Variants in TTC1 observed in about 807,000 individuals in gnomAD.
The protein encoded by TTC1 is tetratricopeptide repeat domain 1.
In TTC1, 31 loss-of-function variants were observed where a neutral mutation model predicts 37.6. The ratio of observed to expected loss-of-function variants is 0.82; its 90% CI spans 0.62 to 1.11. TTC1 has a LOEUF of 1.11. TTC1 is among the 50% of genes most tolerant of loss of function. TTC1 has a pLI of 0.00. For synonymous variants in TTC1, 127 were observed against 122.4 expected, an observed-to-expected ratio of 1.04 and a Z score of -0.25; for missense variants, 351 against 339.0, an observed-to-expected ratio of 1.04 and a Z score of -0.28.
intron 5 of TTC1, among the ~76,000 whole-genome samples, chr5:160,043,653 C>A (rs1757142323): frequency 6.6e-6 from 1 of 152,182 alleles, no homozygotes; most frequent in Admixed American, 6.5e-5. Flanking sequence ...GAATTTACCT[C>A]CTGTAGTCTC....
intron 2 of TTC1, among the ~76,000 whole-genome samples, chr5:160,018,083 T>G (rs1240036556): frequency 1.3e-5 from 2 of 152,124 alleles, no homozygotes; most frequent in African/African-American, 4.8e-5. Flanking sequence ...TAGAAGGTGA[T>G]TAGAAGAATT....
At chr5:160,036,844 C>A (rs769969784) in intron 4 of TTC1, 41 bp downstream of exon 4, 1 of 1,414,196 alleles carries the variant, frequency 7.1e-7, no homozygotes, top group Non-Finnish European at 9.9e-7. Context: ...AGCACATGGA[C>A]TTGCAGTCTT....
At chr5:160,040,169 A>G (rs868732682) in intron 4 of TTC1, among the ~76,000 whole-genome samples, 3 of 152,342 alleles carry the variant, frequency 2.0e-5, no homozygotes, top group South Asian at 4.1e-4. Context: ...AATGGTAAGT[A>G]TTTGTGTATC....
At chr5:160,049,477 T>C in intron 5 of TTC1, 37 bp from the exon 6 acceptor site, 1 of 1,532,816 alleles carries the variant, frequency 6.5e-7, no homozygotes, top group Non-Finnish European at 8.7e-7. Flanking sequence ...TAGGCCATTT[T>C]TCTTTGTGAT....
At chr5:160,045,728 TTTTTTTA>T (rs976473970) in intron 5 of TTC1, among the ~76,000 whole-genome samples, 5 of 151,876 alleles carry the variant, frequency 3.3e-5, no homozygotes, top group African/African-American at 4.8e-5. Context: ...CCCAGCTAAC[TTTTTTTA>T]TTTTTTATTT....
At chr5:160,060,281 A>T (rs1233201403) in intron 7 of TTC1, among the ~76,000 whole-genome samples, 1 of 152,260 alleles carries the variant, frequency 6.6e-6, no homozygotes, top group Non-Finnish European at 1.5e-5. Flanking sequence ...ATGCACAGTC[A>T]GTATCTCCAA....
intron 5 of TTC1, among the ~76,000 whole-genome samples, chr5:160,046,169 AT>A (rs1490445699): frequency 6.6e-6 from 1 of 151,838 alleles, no homozygotes; most frequent in Non-Finnish European, 1.5e-5. Context: ...GTCTTATCCT[AT>A]TTTTCTCCTT....
intron 4 of TTC1, among the ~76,000 whole-genome samples, chr5:160,038,001 T>G (rs1023113834): frequency 2.0e-5 from 3 of 152,164 alleles, no homozygotes; most frequent in Non-Finnish European, 4.4e-5. Context: ...CAAGGTTTTT[T>G]TTGTTGTTGT....
intron 4 of TTC1, among the ~76,000 whole-genome samples, chr5:160,038,480 A>G (rs1029579085): frequency 3.3e-5 from 5 of 152,106 alleles, no homozygotes; most frequent in Non-Finnish European, 7.4e-5. Flanking sequence ...CAAGTTATTG[A>G]TATTTCTAGG....
At chr5:160,052,572 A>AAAT (rs1354435706) in intron 7 of TTC1, among the ~76,000 whole-genome samples, 2 of 148,986 alleles carry the variant, frequency 1.3e-5, no homozygotes, top group East Asian at 4.0e-4. Flanking sequence ...AAAAAAAAAA[A>AAAT]AACTGTTTGC....
chr5:160,058,303 C>T (rs1302900722), intron 7 of TTC1, among the ~76,000 whole-genome samples: 2 of 152,194 alleles, frequency 1.3e-5, no homozygotes, highest in African/African-American at 4.8e-5. Context: ...CTGAAGTCTT[C>T]ACCCCCTCAA....
intron 2 of TTC1, among the ~76,000 whole-genome samples, chr5:160,012,368 A>AT (rs540919125): frequency 0.03 from 4,385 of 144,932 alleles, 129 homozygotes; most frequent in African/African-American, 0.082. Flanking sequence ...TACTTTTATG[A>AT]TTTTTTTTTT....
chr5:160,020,930 G>A (rs1756693017), intron 2 of TTC1, among the ~76,000 whole-genome samples: 1 of 152,168 alleles, frequency 6.6e-6, no homozygotes, highest in Non-Finnish European at 1.5e-5. Flanking sequence ...CCTAGTCCGT[G>A]GAAAAATAGT....
chr5:160,061,895 A>T (rs1753424725), intron 7 of TTC1: 1 of 152,288 alleles, frequency 6.6e-6, no homozygotes, highest in Non-Finnish European at 1.5e-5. Flanking sequence ...ACCCCTGTGG[A>T]GGAGGAAAGG....
intron 7 of TTC1, among the ~76,000 whole-genome samples, chr5:160,064,000 A>C: frequency 2.5e-5 from 3 of 119,690 alleles, no homozygotes; most frequent in African/African-American, 3.3e-5. Context: ...ACGGAGTCTC[A>C]CTCTGTCACC....
chr5:160,023,824 T>G, intron 2 of TTC1: 1 of 1,613,676 alleles, frequency 6.2e-7, no homozygotes, highest in South Asian at 1.1e-5. Context: ...TCTCAGAGTC[T>G]GAGCTGTCAG....
At chr5:160,030,174 T>TG (rs1756885173) in intron 2 of TTC1, among the ~76,000 whole-genome samples, 1 of 152,198 alleles carries the variant, frequency 6.6e-6, no homozygotes, top group Non-Finnish European at 1.5e-5. Context: ...GGAGGAGCTG[T>TG]GGTTTGTACT....
chr5:160,016,517 AAT>A (rs1338838758), intron 2 of TTC1, among the ~76,000 whole-genome samples: 7 of 152,208 alleles, frequency 4.6e-5, no homozygotes, highest in Non-Finnish European at 4.4e-5. Context: ...GCTATGTGAA[AAT>A]ATGTTTATAC....
intron 2 of TTC1, among the ~76,000 whole-genome samples, chr5:160,019,491 T>G (rs189910207): frequency 0.037 from 5,558 of 152,206 alleles, 137 homozygotes; most frequent in East Asian, 0.12. Context: ...TCCAAAAAGT[T>G]CTCAGTAACT....
Sources: allele counts gnomAD v4.1 joint callset (sites outside exome capture counted in the v4.1 genomes callset), GRCh38; gene constraint gnomAD v4.1.1; transcripts MANE v1.5; gene names NCBI Gene and HGNC (gene_info 2026-07-23, HGNC 2026-07-21).